The following CDH2 variants were observed in gnomAD, a reference collection of about 807,000 sequenced individuals.
The protein encoded by CDH2 is cadherin 2.
Under a neutral mutation model 92.0 loss-of-function variants are expected in CDH2, and 17 were observed. The observed-to-expected ratio is 0.18, with a 90% CI of 0.13 to 0.28. CDH2 has a LOEUF of 0.28. Among genes scored for constraint, CDH2 ranks in the 10% least tolerant of loss-of-function variants. The pLI is 1.00. For synonymous variants in CDH2, 419 were observed against 415.9 expected (o/e 1.01, Z -0.09); for missense variants, 862 against 1,133.1 (o/e 0.76, Z 3.44).
intron 15 of CDH2, among the ~76,000 whole-genome samples, chr18:27,961,867 A>C (rs1302443948): frequency 6.6e-6 from 1 of 152,082 alleles, no homozygotes; most frequent in Non-Finnish European, 1.5e-5. Context: ...TGGGAGTCTG[A>C]GGCAGGAGGA....
At chr18:28,122,388 C>T (rs2144274097) in intron 2 of CDH2, among the ~76,000 whole-genome samples, 1 of 152,204 alleles carries the variant, frequency 6.6e-6, no homozygotes, top group African/African-American at 2.4e-5. Flanking sequence ...CCTTTTTTCT[C>T]CTAGGAGTTT....
At chr18:28,076,787 T>C (rs765611444) in intron 2 of CDH2, among the ~76,000 whole-genome samples, 1 of 150,140 alleles carries the variant, frequency 6.7e-6, no homozygotes, top group Non-Finnish European at 1.5e-5. Context: ...GCCCTTTTCA[T>C]TTATCAAGCT....
intron 11 of CDH2, among the ~76,000 whole-genome samples, chr18:27,987,930 C>G (rs1292633262): frequency 6.6e-6 from 1 of 152,080 alleles, no homozygotes; most frequent in African/African-American, 2.4e-5. Context: ...GCAAAATAAG[C>G]CCCTCATCAG....
At chr18:28,082,003 C>T (rs542674499) in intron 2 of CDH2, among the ~76,000 whole-genome samples, 17 of 152,058 alleles carry the variant, frequency 1.1e-4, no homozygotes, top group Non-Finnish European at 1.8e-4. Flanking sequence ...CATAATAAGT[C>T]CAAGCTTAAG....
chr18:28,057,786 T>C (rs1272892752), intron 2 of CDH2, among the ~76,000 whole-genome samples: 2 of 152,202 alleles, frequency 1.3e-5, no homozygotes, highest in African/African-American at 2.4e-5. Flanking sequence ...TCGAAGTTGG[T>C]ATTTAAGAGG....
chr18:28,016,910 T>C (rs2013264845), intron 2 of CDH2, among the ~76,000 whole-genome samples: 2 of 152,234 alleles, frequency 1.3e-5, no homozygotes, highest in South Asian at 4.1e-4. Context: ...TCTGTTTATA[T>C]GGTGTATCAC....
At chr18:28,091,099 A>G (rs912872380) in intron 2 of CDH2, among the ~76,000 whole-genome samples, 3 of 152,212 alleles carry the variant, frequency 2.0e-5, no homozygotes, top group African/African-American at 7.2e-5. Context: ...AAGGATCTAG[A>G]TGTACTCTGC....
At chr18:28,033,404 A>G (rs1477749898) in intron 2 of CDH2, among the ~76,000 whole-genome samples, 2 of 152,230 alleles carry the variant, frequency 1.3e-5, no homozygotes, top group South Asian at 2.1e-4. Context: ...GTCTGAAGGG[A>G]GAAATGTCAA....
rs1486274548 is a variant in CDH2, at chr18:27,988,599, T to C, written c.1666A>G (p.Ile556Val). ...GGTGATTCTCGGTCCAAAACAGCAA[T>C]TGTAGTTATTTGTCCATTCACAGGA... ...IDPVNGQITT[I>V]AVLDRESPNV... The change falls in exon 11 of 16, where the codon ATT becomes GTT. Residue 556 changes from isoleucine (I) to valine (V), a missense_variant. Transcript: ENST00000269141. The C allele has an allele frequency of 6.2e-7, 1 of 1,608,452 alleles. No individual in the cohort carries two copies. Among genetic ancestry groups the C allele is most frequent in the Non-Finnish European group, 8.5e-7 (1 of 1,174,928 alleles).
intron 14 of CDH2, among the ~76,000 whole-genome samples, chr18:27,967,148 G>T (rs1761281714): frequency 6.6e-6 from 1 of 152,144 alleles, no homozygotes; most frequent in Admixed American, 6.5e-5. Context: ...TTAGACACAA[G>T]GTTAAAATAC....
At chr18:27,995,861 C>A (rs2012565348) in intron 7 of CDH2, among the ~76,000 whole-genome samples, 1 of 152,176 alleles carries the variant, frequency 6.6e-6, no homozygotes, top group Non-Finnish European at 1.5e-5. Context: ...TTTTCAAATG[C>A]CAGATTGCTA....
chr18:27,952,472 TC>T lies in CDH2; in HGVS notation c.2515-114del, dbSNP rs144081734. On this transcript the variant is annotated intron_variant, in intron 15 of 15. Transcript: ENST00000269141. ...TCAAACAAACACTTGTTTGTAAATT[TC>T]CATTTACATACCATATTTTCAACAC... 209 of 767,174 alleles carry T rather than the reference TC, an allele frequency of 2.7e-4. 2 individuals are homozygous for T. In the East Asian group the frequency reaches 2.9e-3, roughly 10 times the overall value. 47.5% of individuals were successfully genotyped at this position (767,174 alleles called of 1,614,324 possible). A position where few individuals can be genotyped will look rare whatever the true frequency, so the allele number is the denominator to read the frequency against.
intron 2 of CDH2, among the ~76,000 whole-genome samples, chr18:28,027,790 T>C (rs2013595086): frequency 2.0e-5 from 3 of 152,070 alleles, no homozygotes; most frequent in Admixed American, 1.3e-4. Context: ...CTCTTTCTTT[T>C]GACAGAATCC....
intron 2 of CDH2, among the ~76,000 whole-genome samples, chr18:28,022,121 A>G (rs978246233): frequency 6.6e-6 from 1 of 151,984 alleles, no homozygotes; most frequent in African/African-American, 2.4e-5. Context: ...TTGCTCATAA[A>G]TCTGAAAAAA....
chr18:28,166,039 A>G (rs1171178618), intron 1 of CDH2, among the ~76,000 whole-genome samples: 10 of 150,902 alleles, frequency 6.6e-5, no homozygotes, highest in African/African-American at 1.2e-4. Context: ...ACACAAACAG[A>G]TAAGTAATAT....
At chr18:27,949,914 C>T (rs1423436959), downstream of CDH2, among the ~76,000 whole-genome samples, 1 of 151,684 alleles carries the variant, frequency 6.6e-6, no homozygotes, top group Non-Finnish European at 1.5e-5. Context: ...GTGAATTGTA[C>T]ATCAACCATA....
At chr18:28,136,803 A>G (rs2015869908) in intron 2 of CDH2, among the ~76,000 whole-genome samples, 1 of 152,184 alleles carries the variant, frequency 6.6e-6, no homozygotes, top group African/African-American at 2.4e-5. Context: ...CAAATATCTA[A>G]GTATAGTAGA....
At chr18:28,040,238 C>A (rs759657634) in intron 2 of CDH2, among the ~76,000 whole-genome samples, 7 of 152,106 alleles carry the variant, frequency 4.6e-5, no homozygotes, top group Non-Finnish European at 8.8e-5. Context: ...AGAGAACCAC[C>A]CCAGAATTCT....
intron 2 of CDH2, among the ~76,000 whole-genome samples, chr18:28,067,019 C>T (rs1419096931): frequency 1.3e-5 from 2 of 152,050 alleles, no homozygotes; most frequent in East Asian, 3.9e-4. Flanking sequence ...GGAAAACAAA[C>T]TCTATAAATG....
Sources: gnomAD v4.1 joint callset for allele counts (sites outside exome capture counted in the v4.1 genomes callset) on GRCh38, gnomAD v4.1.1 for gene constraint, MANE v1.5 for transcripts, NCBI Gene and HGNC (gene_info 2026-07-23, HGNC 2026-07-21) for gene names.